The following CPAMD8 variants were observed in gnomAD, a reference collection of about 807,000 sequenced individuals.
The protein encoded by CPAMD8 is C3 and PZP like alpha-2-macroglobulin domain containing 8.
A neutral mutation model predicts 224.7 loss-of-function variants in CPAMD8; 146 were observed. The observed-to-expected ratio is 0.65, with a 90% CI of 0.57 to 0.75. CPAMD8 has a LOEUF of 0.75. Among genes scored for constraint, CPAMD8 ranks in the 30% least tolerant of loss-of-function variants. The pLI is 0.00. For missense variants in CPAMD8, 2,301 were observed against 2,537.5 expected, an observed-to-expected ratio of 0.91 and a Z score of 2.00; for synonymous variants, 966 against 1,044.6, an observed-to-expected ratio of 0.92 and a Z score of 1.45.
rs747518052 is a variant in CPAMD8, at chr19:17,000,466, C to G, written c.815G>C (p.Gly272Ala). The G allele has an allele frequency of 1.9e-6, 3 of 1,547,982 alleles. No individual in the cohort carries two copies. Among genetic ancestry groups the G allele is most frequent in the Non-Finnish European group, 2.7e-6 (3 of 1,119,228 alleles). Residue 272 changes from glycine to alanine, a missense_variant, in exon 10 of 42, where the codon GGT becomes GCT. By Grantham distance (60) the Gly-to-Ala change is moderately conservative (BLOSUM62 0). Around this residue, in one of 4 missense-constraint regions of CPAMD8, gnomAD observed 8 missense variants for 36.9 expected, o/e 0.22. Coordinates refer to ENST00000443236, the MANE Select transcript of CPAMD8 (RefSeq NM_015692.5). ...CACCTCGTGGCTGTAGTACCCTACA[C>G]CATTAACAGTCATGTTGATCATTAA... ...GALMINMTVN[G>A]VGYYSHEVGR...
intron 10 of CPAMD8, among the ~76,000 whole-genome samples, chr19:16,998,494 G>T (rs1387859414): frequency 6.6e-6 from 1 of 151,736 alleles, no homozygotes; most frequent in African/African-American, 2.4e-5. Context: ...TTAAATTAAA[G>T]ATATCTCAGA....
chr19:16,963,423 A>G (rs372831902), intron 18 of CPAMD8, among the ~76,000 whole-genome samples: 372 of 152,344 alleles, frequency 2.4e-3, no homozygotes, highest in Non-Finnish European at 4.2e-3. Context: ...CTTTAAACCA[A>G]CAAAGATCAA....
At position 17,011,455 on chromosome 19, in the gene CPAMD8, T is replaced by G; in HGVS notation, c.486+9A>C. 1 of 1,614,200 alleles carries G rather than the reference T, an allele frequency of 6.2e-7. No individual in the cohort carries two copies. Among genetic ancestry groups the G allele is most frequent in the Non-Finnish European group, 8.5e-7 (1 of 1,180,032 alleles). The stretch of plus-strand genomic sequence containing the variant: ...ACTCCGGGCCCGCGGTTTTAGAAGC[T>G]GATCTCACCTTCTCGTTGACAGGCC... On this transcript the variant is annotated intron_variant, in intron 5 of 41. Coordinates refer to ENST00000443236, the MANE Select transcript of CPAMD8 (RefSeq NM_015692.5).
At chr19:16,937,975 A>G (rs1456603273) in intron 23 of CPAMD8, among the ~76,000 whole-genome samples, 1 of 151,940 alleles carries the variant, frequency 6.6e-6, no homozygotes, top group Non-Finnish European at 1.5e-5. Flanking sequence ...TTTAGTATTG[A>G]TAAGTTTCAC....
Position 17,022,184 on chromosome 19 carries a change from G to T in CPAMD8, c.93-3C>A. The stretch of plus-strand genomic sequence containing the variant: ...AGGGAGCTGCAATCAAGTAACCCCT[G>T]CAGGAAAGGAGATCCGAGGTGAAGT... On this transcript the variant is annotated splice_region_variant and splice_polypyrimidine_tract_variant and intron_variant, in intron 1 of 41. Transcript: ENST00000443236. 6.2e-7 allele frequency: 1 copy of T among 1,609,084 alleles called. No individual in the cohort carries two copies. The highest frequency in any genetic ancestry group is 8.5e-7 in the Non-Finnish European group (1 of 1,177,486).
intron 18 of CPAMD8, among the ~76,000 whole-genome samples, chr19:16,964,556 C>G (rs991739342): frequency 1.2e-4 from 18 of 152,042 alleles, no homozygotes; most frequent in African/African-American, 4.3e-4. Flanking sequence ...TAATAGCCTA[C>G]CAACCAAAAA....
chr19:16,980,817 T>G, intron 13 of CPAMD8, 131 bp from the exon 14 acceptor site: 1 of 601,446 alleles, frequency 1.7e-6, no homozygotes, highest in Non-Finnish European at 2.8e-6. Context: ...CATCCAGTCC[T>G]GGCCCCTAGC....
In CPAMD8 at chr19:16,943,167, C is replaced by A. The variant is rs142526462; in HGVS notation, c.2793+2382G>T. 4.1e-4 allele frequency among the ~76,000 whole-genome samples: 62 copies of A among 151,944 alleles called. 2 individuals are homozygous for A. In the East Asian group the frequency reaches 9.3e-3, roughly 23 times the overall value. On this transcript the variant is annotated intron_variant, in intron 22 of 41. Transcript: ENST00000443236. ...AGGAGCTGGGACTACAGGTGTGTGC[C>A]ACCACGCCCAGCTAATTTTTGTATT... is the stretch of plus-strand genomic sequence containing the variant.
In CPAMD8 at chr19:16,980,467, C is replaced by A. The variant is rs994462550; in HGVS notation, c.1585+30G>T. The A allele has an allele frequency of 3.7e-6, 6 of 1,600,526 alleles. No individual in the cohort carries two copies. In the Admixed American group the frequency reaches 5.1e-5, roughly 14 times the overall value. On this transcript the variant is annotated intron_variant, in intron 14 of 41. Transcript: ENST00000443236. ...AGTCTCAATTGTTCAGAAGGAAGAA[C>A]AGGAACCTTCTCCCTGCTGCCCGGC... is the stretch of plus-strand genomic sequence containing the variant.
At chr19:16,922,253 C>T (rs1006606849) in intron 26 of CPAMD8, among the ~76,000 whole-genome samples, 3 of 151,760 alleles carry the variant, frequency 2.0e-5, no homozygotes, top group Non-Finnish European at 2.9e-5. Context: ...TGCTCCACAC[C>T]ACATCTGGGC....
At chr19:17,017,405 C>A (rs758600539) in intron 3 of CPAMD8, among the ~76,000 whole-genome samples, 4 of 152,168 alleles carry the variant, frequency 2.6e-5, no homozygotes, top group African/African-American at 9.7e-5. Context: ...TTCTTCTGCT[C>A]CCTGGTCCGT....
intron 22 of CPAMD8, among the ~76,000 whole-genome samples, chr19:16,941,587 G>T (rs62129666): frequency 1.3e-5 from 2 of 151,984 alleles, no homozygotes; most frequent in Non-Finnish European, 2.9e-5. Context: ...TGTTGGAAGA[G>T]GGGCCTGGTG....
At chr19:17,012,179 T>C (rs1400484973) in intron 3 of CPAMD8, among the ~76,000 whole-genome samples, 1 of 151,834 alleles carries the variant, frequency 6.6e-6, no homozygotes, top group African/African-American at 2.4e-5. Context: ...TCACCATGCC[T>C]GGCTAATTTT....
intron 22 of CPAMD8, among the ~76,000 whole-genome samples, chr19:16,941,627 C>T (rs894881631): frequency 5.3e-5 from 8 of 152,116 alleles, no homozygotes; most frequent in Non-Finnish European, 1.2e-4. Context: ...GGGCGGATTT[C>T]CCCCTTGCTG....
chr19:16,994,591 G>C (rs1210687939), intron 11 of CPAMD8, among the ~76,000 whole-genome samples: 1 of 135,578 alleles, frequency 7.4e-6, no homozygotes, highest in East Asian at 2.3e-4. Context: ...CCCGATCATA[G>C]CTCACTGCTG....
chr19:16,963,301 T>A (rs1246880614), intron 18 of CPAMD8, among the ~76,000 whole-genome samples: 1 of 152,146 alleles, frequency 6.6e-6, no homozygotes, highest in African/African-American at 2.4e-5. Context: ...GAGACCCATC[T>A]CATGTGCAGA....
At chr19:16,953,029 C>A (rs2054347145) in intron 19 of CPAMD8, among the ~76,000 whole-genome samples, 1 of 151,990 alleles carries the variant, frequency 6.6e-6, no homozygotes, top group Non-Finnish European at 1.5e-5. Flanking sequence ...GACATACAGA[C>A]CAATGGAATC....
rs1399232162 is a variant in CPAMD8, at chr19:16,899,068, G to A, written c.4848+407C>T. 3.3e-5 allele frequency among the ~76,000 whole-genome samples: 5 copies of A among 152,052 alleles called. No individual in the cohort carries two copies. Among genetic ancestry groups the A allele is most frequent in the Admixed American group, 6.6e-5 (1 of 15,260 alleles). On this transcript the variant is annotated intron_variant, in intron 37 of 41. Transcript: ENST00000443236. The surrounding 1 kb of genome is among the most constrained non-coding windows in gnomAD (Gnocchi z 5.4). The stretch of plus-strand genomic sequence containing the variant: ...CCCAAATAGCTGGGATTACAGTAGC[G>A]TGCCATCACACCTGGCTAATTTTTG...
intron 25 of CPAMD8, among the ~76,000 whole-genome samples, chr19:16,927,737 G>T (rs748247280): frequency 6.6e-6 from 1 of 152,158 alleles, no homozygotes; most frequent in Non-Finnish European, 1.5e-5. Context: ...TCTGCATAAG[G>T]TTTAGACTTG....
Sources: gnomAD v4.1 joint callset for allele counts (sites outside exome capture counted in the v4.1 genomes callset) on GRCh38, gnomAD v4.1.1 for gene constraint, gnomAD v4.1.1 regional missense constraint, Gnocchi (gnomAD v3.1) non-coding constraint, MANE v1.5 for transcripts, NCBI Gene and HGNC (gene_info 2026-07-23, HGNC 2026-07-21) for gene names.